CEP131: variants seen among roughly 807,000 people sequenced by gnomAD.
The protein encoded by CEP131 is centrosomal protein 131.
A neutral mutation model predicts 136.8 loss-of-function variants in CEP131; 99 were observed. That is an observed-to-expected ratio of 0.72 (90% CI 0.62 to 0.86). The LOEUF (loss-of-function observed/expected upper bound fraction) is 0.86, where lower values mean the gene tolerates loss of function less well. CEP131 is among the 40% of genes least tolerant of loss of function. CEP131 has a pLI of 0.00. For missense variants in CEP131, 1,459 were observed against 1,463.0 expected (o/e 1.00, Z 0.04); for synonymous variants, 646 against 612.7 (o/e 1.05, Z -0.80).
chr17:81,222,577 AC>A (rs1339962991), intron 1 of CEP131, among the ~76,000 whole-genome samples, 191 bp downstream of exon 1: 2 of 148,488 alleles, frequency 1.3e-5, no homozygotes, highest in African/African-American at 5.0e-5. Context: ...ACCTGTGCGC[AC>A]CCTGGATCCC....
intron 16 of CEP131, among the ~76,000 whole-genome samples, 169 bp from the exon 17 acceptor site, chr17:81,195,141 G>A (rs949382821): frequency 1.3e-5 from 2 of 149,004 alleles, no homozygotes; most frequent in East Asian, 2.0e-4. Context: ...CCCAGCGCCC[G>A]GGGCCAGGCT....
At chr17:81,209,061 G>A in intron 2 of CEP131, 39 bp from the exon 3 acceptor site, 29 of 1,452,480 alleles carry the variant, frequency 2.0e-5, no homozygotes, top group Non-Finnish European at 2.7e-5. Flanking sequence ...TGCAGCAAAG[G>A]CTCACTCACC....
chr17:81,211,655 A>G (rs2062133606), intron 2 of CEP131, among the ~76,000 whole-genome samples: 1 of 152,204 alleles, frequency 6.6e-6, no homozygotes, highest in African/African-American at 2.4e-5. Context: ...ATTTGTGGCC[A>G]GGCGTGGTGG....
intron 13 of CEP131, 27 bp downstream of exon 13, chr17:81,197,685 G>A (rs1172968267): frequency 1.3e-6 from 2 of 1,590,864 alleles, no homozygotes; most frequent in Admixed American, 1.7e-5. Context: ...CCCACTGGGG[G>A]CCGGGTGCGG....
intron 1 of CEP131, among the ~76,000 whole-genome samples, chr17:81,220,329 G>A (rs112032787): frequency 1.3e-4 from 20 of 152,166 alleles, no homozygotes; most frequent in African/African-American, 3.9e-4. Context: ...CGAGGGCAAG[G>A]CCCGTGGGTG....
At chr17:81,210,440 G>A (rs1053657438) in intron 2 of CEP131, among the ~76,000 whole-genome samples, 1 of 152,112 alleles carries the variant, frequency 6.6e-6, no homozygotes, top group Non-Finnish European at 1.5e-5. Context: ...CATAGTGGCG[G>A]GTGCCTGTAG....
At chr17:81,194,246 T>C (rs1395943882) in intron 17 of CEP131, 119 bp from the exon 18 acceptor site, 17 of 943,890 alleles carry the variant, frequency 1.8e-5, no homozygotes, top group Non-Finnish European at 2.1e-5. Context: ...CAGGGCCTCC[T>C]TGGATCCAAC....
At position 81,190,791 on chromosome 17, in the gene CEP131, C is replaced by G; in HGVS notation, c.2955G>C (p.Gln985His). Residue 985 changes from glutamine to histidine, a missense_variant, in exon 24 of 26, where the codon CAG becomes CAC. Gln to His is a conservative substitution (Grantham distance 24). Around this residue, in one of 3 missense-constraint regions of CEP131, gnomAD observed 1,026 missense variants for 964.2 expected, o/e 1.06. Coordinates refer to ENST00000450824, the MANE Select transcript of CEP131 (RefSeq NM_014984.4). ...ALEDAQAVNE[Q>H]LSSERSNLAQ... is the part of the protein sequence containing the mutation. ...CCAGGTTGCTGCGCTCGCTAGAAAG[C>G]TGCTCGTTCACCTGGGTGGGCACAG... The G allele has an allele frequency of 2.5e-6, 4 of 1,608,816 alleles. No individual in the cohort carries two copies. The highest frequency in any genetic ancestry group is 3.4e-6 in the Non-Finnish European group (4 of 1,177,518).
Position 81,192,855 on chromosome 17 carries a change from T to C in CEP131, c.2322-12A>G. 5.6e-6 allele frequency: 9 copies of C among 1,595,394 alleles called. No individual in the cohort carries two copies. Among genetic ancestry groups the C allele is most frequent in the Non-Finnish European group, 7.6e-6 (9 of 1,178,524 alleles). On this transcript the variant is annotated splice_polypyrimidine_tract_variant and intron_variant, in intron 18 of 25. Transcript: ENST00000450824. The stretch of plus-strand genomic sequence containing the variant: ...GGTGCTGCTGGAACCTGCGGGACGG[T>C]CAGGACTGGCTCTCGGGGGCCGGGA...
rs376095607 is a variant in CEP131 at position 81,198,158 on chromosome 17, C to A, written c.1427G>T (p.Arg476Leu). 48 of 1,573,706 alleles carry A rather than the reference C, an allele frequency of 3.1e-5. No individual in the cohort carries two copies. In the East Asian group the frequency reaches 1.1e-3, roughly 35 times the overall value. ...TCTGCCCCTGTGATGGGTCCTGGGGCGGGGCAGCACGTCCGGCTCCTTCTC... is the reference window on the plus strand; with the variant it reads ...TCTGCCCCTGTGATGGGTCCTGGGGAGGGGCAGCACGTCCGGCTCCTTCTC... ...LLEKEPDVLP[R>L]PRTHHRGRYA... Residue 476 changes from arginine to leucine, a missense_variant, in exon 12 of 26, where the codon CGC becomes CTC. Transcript: ENST00000450824.
rs999535528 is a variant in CEP131 at position 81,194,771 on chromosome 17, C to T, written c.2119+99G>A. On this transcript the variant is annotated intron_variant, in intron 17 of 25. Transcript: ENST00000450824. ...TGTTCACCTCTGCCCAGGAAGGTCTCGGACTACATGAATGCCTGAAGTTAT... is the reference window on the plus strand; with the variant it reads ...TGTTCACCTCTGCCCAGGAAGGTCTTGGACTACATGAATGCCTGAAGTTAT... 24 of 1,003,476 alleles carry T rather than the reference C, an allele frequency of 2.4e-5. 1 individual carries two copies. Among genetic ancestry groups the T allele is most frequent in the Admixed American group, 1.7e-4 (10 of 58,598 alleles). 62.2% of individuals were successfully genotyped at this position (1,003,476 alleles called of 1,614,324 possible).
intron 18 of CEP131, 47 bp downstream of exon 18, chr17:81,193,879 C>T (rs908536387): frequency 1.3e-6 from 2 of 1,520,876 alleles, no homozygotes; most frequent in African/African-American, 1.4e-5. Context: ...GATTCCGACT[C>T]CCCGCCCTGA....
At chr17:81,190,407 C>A (rs939216869) in intron 24 of CEP131, among the ~76,000 whole-genome samples, 1 of 152,204 alleles carries the variant, frequency 6.6e-6, no homozygotes, top group Non-Finnish European at 1.5e-5. Context: ...CCGACCCACT[C>A]GGGTGCCCCA....
rs759007955 is a variant in CEP131 at position 81,192,531 on chromosome 17, C to G, written c.2492G>C (p.Arg831Pro). The G allele has an allele frequency of 2.5e-6, 4 of 1,610,542 alleles. No homozygotes were observed. The African/African-American group carries it at 4.0e-5, about 16-fold the overall frequency. Residue 831 changes from arginine (R) to proline (P), a missense_variant, in exon 20 of 26, where the codon CGA becomes CCA. This residue lies in a region of CEP131 where 1,026 missense variants were observed against 964.2 expected (regional missense o/e 1.06). Transcript: ENST00000450824. The part of the protein sequence containing the change: ...QLEESSSALT[R>P]ALRAEFEKGR... ...CTTCTCAAACTCAGCCCTCAGGGCT[C>G]GGGTCAGTGCAGAGCTGCTCTCCTC... is the stretch of plus-strand genomic sequence containing the variant.
At position 81,192,490 on chromosome 17, in the gene CEP131, C is replaced by CCTG; in HGVS notation, c.2530_2532dup (p.Gln844dup). 1 of 1,611,716 alleles carries CCTG rather than the reference C, an allele frequency of 6.2e-7. No homozygotes were observed. The highest frequency in any genetic ancestry group is 8.5e-7 in the Non-Finnish European group (1 of 1,179,798). On this transcript the variant is annotated inframe_insertion, in exon 20 of 26. Transcript: ENST00000450824. ...CGGTGGTAGACCTGGTGCCGGCGCT[C>CCTG]CTGCTCCTCCCTGCCCTTCTCAAAC... is the stretch of plus-strand genomic sequence containing the variant.
chr17:81,195,539 C>G (rs1051658967), intron 16 of CEP131, among the ~76,000 whole-genome samples: 1 of 152,170 alleles, frequency 6.6e-6, no homozygotes, highest in Non-Finnish European at 1.5e-5. Context: ...GTGGGGCAGA[C>G]CAGGCAGAGG....
At chr17:81,209,531 G>T (rs2062087164) in intron 2 of CEP131, among the ~76,000 whole-genome samples, 1 of 152,142 alleles carries the variant, frequency 6.6e-6, no homozygotes, top group South Asian at 2.1e-4. Context: ...GTGGAAAGGG[G>T]TGGAGGGGAG....
intron 2 of CEP131, among the ~76,000 whole-genome samples, chr17:81,218,053 C>CT (rs2062294156): frequency 8.9e-6 from 1 of 112,284 alleles, no homozygotes; most frequent in African/African-American, 3.3e-5. Context: ...TTCTTTCTTT[C>CT]TTTTTTTGAG....
intron 2 of CEP131, among the ~76,000 whole-genome samples, chr17:81,217,983 C>A (rs1189696175): frequency 6.6e-6 from 1 of 152,114 alleles, no homozygotes; most frequent in Non-Finnish European, 1.5e-5. Flanking sequence ...AAGAGAGCTG[C>A]AATTTCTTTC....
Sources: allele counts gnomAD v4.1 joint callset (sites outside exome capture counted in the v4.1 genomes callset), GRCh38; gene constraint gnomAD v4.1.1; regional missense constraint gnomAD v4.1.1; transcripts MANE v1.5; gene names NCBI Gene and HGNC (gene_info 2026-07-23, HGNC 2026-07-21).